The following EEF2K variants were observed in gnomAD, a reference collection of about 807,000 sequenced individuals.
EEF2K encodes alternative protein EEF2K.
EEF2K carries 70 observed loss-of-function variants against 93.8 expected under a neutral mutation model. The observed-to-expected ratio is 0.75, with a 90% CI of 0.62 to 0.91. The LOEUF (loss-of-function observed/expected upper bound fraction) is 0.91. EEF2K is among the 40% of genes least tolerant of loss of function. The probability of loss-of-function intolerance (pLI) is 0.00; values close to 1 mark genes in which losing one functional copy is unlikely to be tolerated. For missense variants in EEF2K, 935 were observed against 972.9 expected (o/e 0.96, Z 0.52); for synonymous variants, 376 against 380.8 (o/e 0.99, Z 0.15).
At position 22,283,960 on chromosome 16, in the gene EEF2K, AAAGGCTG is replaced by A; in HGVS notation, c.2146_2152del (p.Ala716ArgfsTer27). 6.3e-7 allele frequency: 1 copy of A among 1,592,614 alleles called. No homozygotes were observed. Among genetic ancestry groups the A allele is most frequent in the Non-Finnish European group, 8.6e-7 (1 of 1,169,536 alleles). On this transcript the variant is annotated frameshift_variant, in exon 18 of 18. Transcript: ENST00000263026. LOFTEE classifies it high-confidence loss of function. ...GCCGACTGGCCAACCAGTACTACCA[AAAGGCTG>A]AAGAGGCCTGGGCCCAGATGGAGGA...
intron 2 of EEF2K, among the ~76,000 whole-genome samples, chr16:22,238,812 C>T (rs938898418): frequency 6.6e-6 from 1 of 151,994 alleles, no homozygotes; most frequent in African/African-American, 2.4e-5. Context: ...GATGGCAGTA[C>T]CTGCTTCCAT....
rs2047270246 is a variant in EEF2K at position 22,244,808 on chromosome 16, G to A, written c.347+78G>A. The A allele has an allele frequency of 4.1e-6, 6 of 1,447,152 alleles. No individual in the cohort carries two copies. The South Asian group carries it at 4.7e-5, about 11-fold the overall frequency. 89.6% of individuals were successfully genotyped at this position (1,447,152 alleles called of 1,614,324 possible). A position where few individuals can be genotyped will look rare whatever the true frequency, so the allele number is the denominator to read the frequency against. On this transcript the variant is annotated intron_variant, in intron 3 of 17. Transcript: ENST00000263026. The stretch of plus-strand genomic sequence containing the variant: ...TCTGTTCCCAATCAGTGAGGCCTAA[G>A]TACTCTTGGGGGTCAGGGGAAGGGA...
chr16:22,227,397 G>C (rs948600164), intron 2 of EEF2K, among the ~76,000 whole-genome samples: 4 of 151,852 alleles, frequency 2.6e-5, no homozygotes, highest in Non-Finnish European at 4.4e-5. Flanking sequence ...CAAAAGTTTT[G>C]TATTTTCAGT....
At chr16:22,282,216 T>G (rs1436477629) in intron 17 of EEF2K, among the ~76,000 whole-genome samples, 1 of 152,064 alleles carries the variant, frequency 6.6e-6, no homozygotes, top group Admixed American at 6.6e-5. Flanking sequence ...ACAAAAAAAA[T>G]TATTTCTCCC....
At chr16:22,272,757 A>AT (rs1474875619) in intron 15 of EEF2K, among the ~76,000 whole-genome samples, 2 of 151,480 alleles carry the variant, frequency 1.3e-5, no homozygotes, top group Non-Finnish European at 2.9e-5. Flanking sequence ...CGCTTCCTAG[A>AT]TTCAAGCAAT....
chr16:22,284,883 C>G lies in EEF2K; in HGVS notation c.*887C>G, dbSNP rs1045345805. ...CAGTGGGTGTGAGATTGCACAATAC[C>G]CAGGCTCCCTTCTACTGTGGGGAAG... On this transcript the variant is annotated 3_prime_UTR_variant, in exon 18 of 18. Transcript: ENST00000263026. 6.6e-6 allele frequency: 1 copy of G among 152,406 alleles called. No homozygotes were observed. The highest frequency in any genetic ancestry group is 2.4e-5 in the African/African-American group (1 of 41,428). The allele number at this position is 152,406 out of a possible 1,614,324, so 9.4% of individuals were successfully genotyped here. A position where few individuals can be genotyped will look rare whatever the true frequency, so the allele number is the denominator to read the frequency against.
At position 22,287,797 on chromosome 16, in the gene EEF2K, T is replaced by C. The variant is rs1395366123; in HGVS notation, c.*3801T>C. 2 of 152,152 alleles carry C rather than the reference T, an allele frequency of 1.3e-5. No individual in the cohort carries two copies. The highest frequency in any genetic ancestry group is 3.8e-4 in the East Asian group (2 of 5,198). The allele number at this position is 152,152 out of a possible 1,614,324, so 9.4% of individuals were successfully genotyped here. On this transcript the variant is annotated 3_prime_UTR_variant, in exon 18 of 18. Coordinates refer to ENST00000263026, the MANE Select transcript of EEF2K (RefSeq NM_013302.5). ...ATGCAGCTTTGACCTCCAAGCCAAGTAAACTGCTCTTGTTGCTATTTTAGT... is the reference window on the plus strand; with the variant it reads ...ATGCAGCTTTGACCTCCAAGCCAAGCAAACTGCTCTTGTTGCTATTTTAGT...
At chr16:22,267,458 G>A (rs2047535896) in intron 15 of EEF2K, among the ~76,000 whole-genome samples, 1 of 152,072 alleles carries the variant, frequency 6.6e-6, no homozygotes, top group Non-Finnish European at 1.5e-5. Context: ...AGCCGGACGT[G>A]GTGGCACACA....
chr16:22,279,571 A>G (rs1464338490), intron 16 of EEF2K, among the ~76,000 whole-genome samples: 1 of 152,156 alleles, frequency 6.6e-6, no homozygotes, highest in African/African-American at 2.4e-5. Context: ...CAATTTCTTT[A>G]TACTCTTTTA....
chr16:22,253,455 T>C (rs926751184), intron 6 of EEF2K, among the ~76,000 whole-genome samples: 8 of 151,982 alleles, frequency 5.3e-5, no homozygotes, highest in East Asian at 1.9e-4. Flanking sequence ...TGGCCTCCTT[T>C]CTCTTCCTCC....
chr16:22,268,518 G>GT (rs2047546579), intron 15 of EEF2K, among the ~76,000 whole-genome samples: 1 of 152,138 alleles, frequency 6.6e-6, no homozygotes. Flanking sequence ...CCAAGTTGGA[G>GT]TGCAGTGGCA....
intron 13 of EEF2K, 87 bp from the exon 14 acceptor site, chr16:22,266,302 AG>A: frequency 1.3e-6 from 2 of 1,506,686 alleles, no homozygotes; most frequent in Non-Finnish European, 1.8e-6. Context: ...CCCTCCAGCC[AG>A]GCTCCTGTGT....
chr16:22,267,391 G>A (rs1488589982), intron 15 of EEF2K, among the ~76,000 whole-genome samples: 1 of 151,934 alleles, frequency 6.6e-6, no homozygotes, highest in Non-Finnish European at 1.5e-5. Flanking sequence ...CCAGGAGATC[G>A]AGACCAGCCT....
At chr16:22,224,068 G>A (rs549923187) in intron 1 of EEF2K, among the ~76,000 whole-genome samples, 3 of 152,088 alleles carry the variant, frequency 2.0e-5, no homozygotes, top group South Asian at 2.1e-4. Context: ...TTAGCCGCGC[G>A]TGGTAGTGGA....
chr16:22,207,704 G>C (rs1002543907), intron 1 of EEF2K, among the ~76,000 whole-genome samples: 7 of 152,206 alleles, frequency 4.6e-5, no homozygotes, highest in South Asian at 2.1e-4. Context: ...TGTTTTTAGC[G>C]AGGAGGAAAC....
intron 12 of EEF2K, 74 bp downstream of exon 12, chr16:22,263,261 CT>C: frequency 2.1e-6 from 3 of 1,403,090 alleles, no homozygotes; most frequent in Non-Finnish European, 2.9e-6. Context: ...GAAAACTCCC[CT>C]TCCTGGAGGG....
intron 1 of EEF2K, among the ~76,000 whole-genome samples, chr16:22,213,018 G>C (rs185996278): frequency 2.6e-5 from 4 of 151,948 alleles, no homozygotes; most frequent in Non-Finnish European, 5.9e-5. Context: ...AGTGGCTCAC[G>C]CCTGTAATCC....
At chr16:22,221,415 A>C (rs1385355740) in intron 1 of EEF2K, among the ~76,000 whole-genome samples, 1 of 152,082 alleles carries the variant, frequency 6.6e-6, no homozygotes, top group Non-Finnish European at 1.5e-5. Flanking sequence ...TGGAGGCTAC[A>C]GTGAGCTGTG....
chr16:22,208,545 T>C (rs1260443036), intron 1 of EEF2K, among the ~76,000 whole-genome samples: 1 of 152,100 alleles, frequency 6.6e-6, no homozygotes, highest in East Asian at 1.9e-4. Context: ...ATAAAAAAGA[T>C]CCACCAATTT....
Sources: allele counts gnomAD v4.1 joint callset (sites outside exome capture counted in the v4.1 genomes callset), GRCh38; gene constraint gnomAD v4.1.1; transcripts MANE v1.5; gene names NCBI Gene and HGNC (gene_info 2026-07-23, HGNC 2026-07-21).